The following ADARB2 variants were observed in gnomAD, a reference collection of about 807,000 sequenced individuals.
ADARB2 encodes the protein adenosine deaminase RNA specific B2 (inactive), also known as inactive double-stranded RNA-specific editase B2.
ADARB2 carries 25 observed loss-of-function variants against 62.2 expected under a neutral mutation model. The ratio of observed to expected loss-of-function variants is 0.40; its 90% confidence interval spans 0.29 to 0.56. ADARB2 has a LOEUF of 0.56. ADARB2 is among the 20% of genes least tolerant of loss of function. The probability of loss-of-function intolerance (pLI) is 0.43; values close to 1 mark genes in which losing one functional copy is unlikely to be tolerated. For missense variants in ADARB2, 1,071 were observed against 1,077.4 expected (o/e 0.99, Z 0.08); for synonymous variants, 572 against 500.8 (o/e 1.14, Z -1.90).
intron 1 of ADARB2, among the ~76,000 whole-genome samples, chr10:1,599,898 C>T (rs930876446): frequency 1.3e-5 from 2 of 152,086 alleles, no homozygotes; most frequent in African/African-American, 4.8e-5. Flanking sequence ...AGGCATGCAT[C>T]ACCACACCTA....
chr10:1,536,737 T>TACA (rs1832337785), intron 1 of ADARB2, among the ~76,000 whole-genome samples: 1 of 152,210 alleles, frequency 6.6e-6, no homozygotes, highest in Admixed American at 6.5e-5. Context: ...TAATAAATGG[T>TACA]GCTGGGAAAA....
intron 1 of ADARB2, among the ~76,000 whole-genome samples, chr10:1,449,740 C>T (rs377230337): frequency 5.4e-4 from 83 of 152,294 alleles, no homozygotes; most frequent in African/African-American, 1.9e-3. Flanking sequence ...AAAGTGCTTC[C>T]CTCCAGATTG....
chr10:1,621,252 G>A (rs1833700823), intron 1 of ADARB2, among the ~76,000 whole-genome samples: 1 of 152,130 alleles, frequency 6.6e-6, no homozygotes, highest in Non-Finnish European at 1.5e-5. Flanking sequence ...ATTAGAACTA[G>A]TAGGTATTTT....
chr10:1,576,636 G>A (rs1833025203), intron 1 of ADARB2, among the ~76,000 whole-genome samples: 1 of 152,154 alleles, frequency 6.6e-6, no homozygotes. Flanking sequence ...TGCAACCCCC[G>A]TTTGGAGACA....
intron 1 of ADARB2, among the ~76,000 whole-genome samples, chr10:1,510,168 C>CT (rs368944808): frequency 2.2e-5 from 1 of 45,932 alleles, no homozygotes; most frequent in South Asian, 6.3e-4. Context: ...TTCTTTCTTT[C>CT]TTTTTCTTTC....
intron 1 of ADARB2, among the ~76,000 whole-genome samples, chr10:1,629,120 C>T (rs568038655): frequency 3.3e-5 from 5 of 152,166 alleles, no homozygotes; most frequent in Non-Finnish European, 7.3e-5. Flanking sequence ...ACAGAGTCCA[C>T]GAGTAACATG....
intron 1 of ADARB2, among the ~76,000 whole-genome samples, chr10:1,651,722 G>C (rs1834112988): frequency 6.6e-6 from 1 of 152,126 alleles, no homozygotes; most frequent in Non-Finnish European, 1.5e-5. Flanking sequence ...GGGCCTTACT[G>C]CCTGAGCGTG....
At chr10:1,186,524 G>C (rs1237418001) in intron 8 of ADARB2, 3 of 519,084 alleles carry the variant, frequency 5.8e-6, no homozygotes, top group Admixed American at 1.9e-5. Flanking sequence ...CCCAAGCCCA[G>C]CTGGCCGGGT....
At chr10:1,658,678 G>A (rs893418790) in intron 1 of ADARB2, among the ~76,000 whole-genome samples, 1 of 152,222 alleles carries the variant, frequency 6.6e-6, no homozygotes, top group South Asian at 2.1e-4. Context: ...GCATCAGGAG[G>A]TCTCCTTGGC....
rs1178212781 is a variant in ADARB2, at chr10:1,477,077, C to T, written c.101-97917G>A. On this transcript the variant is annotated intron_variant, in intron 1 of 9. Transcript: ENST00000381312. This position sits in a 1 kb window ranked among gnomAD's most constrained non-coding sequence, Gnocchi z 4.5. ...TCCAACCCCTAGAGCACCTTCACAGCCACGCAAGGGCACCCTCCCACTGCG... is the reference window on the plus strand; with the variant it reads ...TCCAACCCCTAGAGCACCTTCACAGTCACGCAAGGGCACCCTCCCACTGCG... Among the ~76,000 whole-genome samples the T allele has an allele frequency of 6.6e-6, 1 of 152,136 alleles. No homozygotes were observed. Among genetic ancestry groups the T allele is most frequent in the African/African-American group, 2.4e-5 (1 of 41,412 alleles).
At position 1,623,781 on chromosome 10, in the gene ADARB2, A is replaced by C. The variant is rs149243403; in HGVS notation, c.100+113270T>G. Among the ~76,000 whole-genome samples, 13 of 152,328 alleles carry C rather than the reference A, an allele frequency of 8.5e-5. No homozygotes were observed. The East Asian group carries it at 2.5e-3, about 29-fold the overall frequency. ...ACGAGGGCTGAGTTTGCAGTCAAAT[A>C]GTTAATGTTCATAGAGCTTATTAGA... On this transcript the variant is annotated intron_variant, in intron 1 of 9. Coordinates refer to ENST00000381312, the MANE Select transcript of ADARB2 (RefSeq NM_018702.4).
At chr10:1,722,809 A>G (rs937724050) in intron 1 of ADARB2, among the ~76,000 whole-genome samples, 3 of 152,210 alleles carry the variant, frequency 2.0e-5, no homozygotes, top group African/African-American at 7.2e-5. Context: ...GCCTATCTGA[A>G]TCTAGTTCAA....
At chr10:1,519,159 C>T (rs1347292648) in intron 1 of ADARB2, among the ~76,000 whole-genome samples, 1 of 150,606 alleles carries the variant, frequency 6.6e-6, no homozygotes, top group Non-Finnish European at 1.5e-5. Flanking sequence ...CATACGCATG[C>T]ATTCCTTATA....
At chr10:1,405,632 A>T (rs950654811) in intron 1 of ADARB2, among the ~76,000 whole-genome samples, 8 of 125,560 alleles carry the variant, frequency 6.4e-5, no homozygotes, top group Middle Eastern at 7.6e-3. Flanking sequence ...TCAGTCTCAA[A>T]AAAAAAAAAA....
intron 4 of ADARB2, among the ~76,000 whole-genome samples, chr10:1,250,523 A>G (rs1446814503): frequency 6.6e-6 from 1 of 152,130 alleles, no homozygotes; most frequent in East Asian, 1.9e-4. Flanking sequence ...GTGGGCTGTA[A>G]TGAAGCCATG....
At chr10:1,706,191 C>T (rs1588360177) in intron 1 of ADARB2, among the ~76,000 whole-genome samples, 1 of 152,188 alleles carries the variant, frequency 6.6e-6, no homozygotes, top group African/African-American at 2.4e-5. Flanking sequence ...TTTTCGCTCC[C>T]TACCCTGGAA....
At chr10:1,495,831 T>G (rs995039175) in intron 1 of ADARB2, among the ~76,000 whole-genome samples, 9 of 151,882 alleles carry the variant, frequency 5.9e-5, no homozygotes, top group African/African-American at 2.2e-4. Flanking sequence ...ATCACCACCA[T>G]TATCATTGTC....
rs780003937 is a variant in ADARB2, at chr10:1,217,006, C to T, written c.1627G>A (p.Gly543Ser). The T allele has an allele frequency of 8.1e-6, 13 of 1,610,788 alleles. No homozygotes were observed. Among genetic ancestry groups the T allele is most frequent in the South Asian group, 4.4e-5 (4 of 90,916 alleles). ...RGPSAVQTWDGVLLGEQLITM... is the reference protein window; with the variant it reads ...RGPSAVQTWDSVLLGEQLITM... ...ATCAGCTGCTCCCCCAGCAGGACGC[C>T]GTCCCAGGTCTGCACTGCGCTGGGG... The change falls in exon 7 of 10, where the codon GGC (glycine) becomes AGC (serine). Residue 543 changes from glycine to serine, a missense_variant. Coordinates refer to ENST00000381312, the MANE Select transcript of ADARB2 (RefSeq NM_018702.4).
At chr10:1,395,977 C>T (rs1363089290) in intron 1 of ADARB2, among the ~76,000 whole-genome samples, 2 of 152,356 alleles carry the variant, frequency 1.3e-5, no homozygotes, top group Non-Finnish European at 2.9e-5. Context: ...CTCCGCTGAC[C>T]GGACTGAGCC....
Sources: allele counts gnomAD v4.1 joint callset (sites outside exome capture counted in the v4.1 genomes callset), GRCh38; gene constraint gnomAD v4.1.1; non-coding constraint Gnocchi (gnomAD v3.1); transcripts MANE v1.5; gene names NCBI Gene and HGNC (gene_info 2026-07-23, HGNC 2026-07-21).